The following RABL6 variants were observed in gnomAD, a reference collection of about 807,000 sequenced individuals.
RABL6 encodes the protein rab-like protein 6.
Under a neutral mutation model 72.9 loss-of-function variants are expected in RABL6, and 28 were observed. The observed-to-expected ratio is 0.38, with a 90% CI of 0.28 to 0.53. RABL6 has a LOEUF of 0.53. Among genes scored for constraint, RABL6 ranks in the 20% least tolerant of loss-of-function variants. The pLI is 0.80. For synonymous variants in RABL6, 477 were observed against 421.2 expected (o/e 1.13, Z -1.62); for missense variants, 1,029 against 1,008.4 (o/e 1.02, Z -0.28).
At chr9:136,825,863 G>T in intron 3 of RABL6, 37 bp downstream of exon 3, 1 of 1,590,356 alleles carries the variant, frequency 6.3e-7, no homozygotes, top group Non-Finnish European at 8.6e-7. Context: ...TTCTCTCTGG[G>T]ACTGTGTGCT....
At chr9:136,825,522 A>T (rs1445461867) in intron 2 of RABL6, among the ~76,000 whole-genome samples, 2 of 149,558 alleles carry the variant, frequency 1.3e-5, no homozygotes, top group Non-Finnish European at 3.0e-5. Context: ...CCCGGGAGGG[A>T]GGGGCCGTGC....
chr9:136,829,364 G>C (rs116599726), intron 4 of RABL6, 29 bp from the exon 5 acceptor site: 2 of 1,539,498 alleles, frequency 1.3e-6, no homozygotes, highest in Non-Finnish European at 8.8e-7. Flanking sequence ...GCCTGGGCCA[G>C]TCTCACACCT....
In RABL6 at chr9:136,807,976, G is replaced by A; in HGVS notation, c.-221G>A. 1 of 1,005,356 alleles carries A rather than the reference G, an allele frequency of 9.9e-7. No homozygotes were observed. The highest frequency in any genetic ancestry group is 4.9e-4 in the Middle Eastern group (1 of 2,026). The allele number at this position is 1,005,356 out of a possible 1,614,324, so 62.3% of individuals were successfully genotyped here. ...TGGCGGCGCTGACTCCTGGAGAGCG[G>A]TCGCGCCGGAGGCCGCGGGGGCCGG... On this transcript the variant is annotated 5_prime_UTR_variant, in exon 1 of 15. Coordinates refer to ENST00000311502, the MANE Select transcript of RABL6 (RefSeq NM_024718.5).
intron 10 of RABL6, among the ~76,000 whole-genome samples, chr9:136,838,597 A>G (rs1025461425): frequency 2.0e-5 from 3 of 152,236 alleles, no homozygotes; most frequent in African/African-American, 7.2e-5. Flanking sequence ...CTCCAGAAAT[A>G]CACAAAGGAC....
intron 5 of RABL6, among the ~76,000 whole-genome samples, chr9:136,829,923 TG>T (rs1197725189): frequency 6.6e-6 from 1 of 152,226 alleles, no homozygotes; most frequent in African/African-American, 2.4e-5. Flanking sequence ...GGACGATCTC[TG>T]GGGGACCAGG....
intron 1 of RABL6, among the ~76,000 whole-genome samples, chr9:136,810,931 T>C (rs1227318424): frequency 6.6e-6 from 1 of 152,224 alleles, no homozygotes; most frequent in Admixed American, 6.5e-5. Context: ...GGTGAGAGTT[T>C]CTGGGAACTG....
chr9:136,811,860 C>T (rs147558859), intron 1 of RABL6, among the ~76,000 whole-genome samples: 1 of 152,188 alleles, frequency 6.6e-6, no homozygotes, highest in East Asian at 1.9e-4. Context: ...TCCTGAATTC[C>T]AGAAGGGAGG....
chr9:136,814,886 G>T (rs938477288), intron 1 of RABL6: 2 of 154,932 alleles, frequency 1.3e-5, no homozygotes. Context: ...CCTCTTTGTC[G>T]TCTTCATCAC....
At chr9:136,832,533 T>C in intron 7 of RABL6, 163 bp downstream of exon 7, 1 of 727,306 alleles carries the variant, frequency 1.4e-6, no homozygotes, top group Non-Finnish European at 2.5e-6. Flanking sequence ...ACCTGCCTGC[T>C]CTGGGTGGCA....
At position 136,816,736 on chromosome 9, in the gene RABL6, T is replaced by C. The variant is rs1008107616; in HGVS notation, c.131-6789T>C. On this transcript the variant is annotated intron_variant, in intron 1 of 14. Coordinates refer to ENST00000311502, the MANE Select transcript of RABL6 (RefSeq NM_024718.5). ...TGTCTCAAAAAAAAGGGGGGGGGGG[T>C]AATTTTTTAAAATAATTAAATCAGA... Among the ~76,000 whole-genome samples, 4 of 105,278 alleles carry C rather than the reference T, an allele frequency of 3.8e-5. No individual in the cohort carries two copies. In the East Asian group the frequency reaches 1.4e-3, roughly 37 times the overall value. 69.1% of individuals were successfully genotyped at this position (105,278 alleles called of 152,430 possible). A position where few individuals can be genotyped will look rare whatever the true frequency, so the allele number is the denominator to read the frequency against.
chr9:136,826,019 C>T lies in RABL6; in HGVS notation c.313+193C>T, dbSNP rs1249292987. On this transcript the variant is annotated intron_variant, in intron 3 of 14. Transcript: ENST00000311502. This position sits in a 1 kb window ranked among gnomAD's most constrained non-coding sequence, Gnocchi z 4.9. ...TGGCGCAGCCCCTCCTGTGGCACTG[C>T]ATGCTTTGCTGCTTTAGCATACTCC... is the stretch of plus-strand genomic sequence containing the variant. 1.3e-5 allele frequency among the ~76,000 whole-genome samples: 2 copies of T among 152,214 alleles called. No individual in the cohort carries two copies. Among genetic ancestry groups the T allele is most frequent in the East Asian group, 3.8e-4 (2 of 5,204 alleles).
intron 1 of RABL6, 41 bp downstream of exon 1, chr9:136,808,367 G>A (rs772956288): frequency 4.1e-6 from 6 of 1,452,058 alleles, no homozygotes; most frequent in African/African-American, 3.0e-5. Context: ...GCGCCGCGCG[G>A]GTCTCCGAAC....
intron 1 of RABL6, 82 bp downstream of exon 1, chr9:136,808,408 G>A: frequency 4.5e-6 from 6 of 1,335,640 alleles, no homozygotes; most frequent in Non-Finnish European, 5.8e-6. Context: ...GGTGGTGGGT[G>A]TCGGTCTCAC....
At chr9:136,832,459 C>A (rs1294526432) in intron 7 of RABL6, 89 bp downstream of exon 7, 5 of 1,085,930 alleles carry the variant, frequency 4.6e-6, no homozygotes, top group South Asian at 2.5e-5. Context: ...TCCCTCCTAA[C>A]CCCTGAGAAA....
intron 4 of RABL6, 46 bp downstream of exon 4, chr9:136,828,592 G>C: frequency 6.3e-7 from 1 of 1,592,272 alleles, no homozygotes; most frequent in Admixed American, 1.7e-5. Flanking sequence ...AGGGCCCCGG[G>C]GTGCGTGAGC....
At chr9:136,808,385 C>T in intron 1 of RABL6, 59 bp downstream of exon 1, 4 of 1,392,042 alleles carry the variant, frequency 2.9e-6, no homozygotes, top group South Asian at 1.6e-5. Flanking sequence ...AACCCAGGCC[C>T]CGGGCGCCGC....
In RABL6 at chr9:136,826,176, G is replaced by A. The variant is rs949699323; in HGVS notation, c.313+350G>A. ...CTGGCGGAGTAGCCCAGCACCAGGC[G>A]GCCCCCTGCCCATAGCTGAGGACCC... On this transcript the variant is annotated intron_variant, in intron 3 of 14. Coordinates refer to ENST00000311502, the MANE Select transcript of RABL6 (RefSeq NM_024718.5). The surrounding 1 kb of genome is among the most constrained non-coding windows in gnomAD (Gnocchi z 4.9). Among the ~76,000 whole-genome samples, 23 of 152,254 alleles carry A rather than the reference G, an allele frequency of 1.5e-4. No individual in the cohort carries two copies. The highest frequency in any genetic ancestry group is 5.1e-4 in the African/African-American group (21 of 41,550).
Position 136,840,399 on chromosome 9 carries a change from ACGGCGG to A in RABL6, c.2069_2074del (p.Arg690_Arg691del). ...AGGAGGAGGGCAAGGAGGAGCGGCGACGGCGGCAGCAGCGGCCCCCGCGCAGCAGGG... is the reference window on the plus strand; with the variant it reads ...AGGAGGAGGGCAAGGAGGAGCGGCGACAGCAGCGGCCCCCGCGCAGCAGGG... On this transcript the variant is annotated inframe_deletion, in exon 15 of 15. Coordinates refer to ENST00000311502, the MANE Select transcript of RABL6 (RefSeq NM_024718.5). 6.4e-7 allele frequency: 1 copy of A among 1,551,372 alleles called. No individual in the cohort carries two copies. Among genetic ancestry groups the A allele is most frequent in the Non-Finnish European group, 8.7e-7 (1 of 1,147,556 alleles).
chr9:136,832,741 C>T (rs947581185), intron 7 of RABL6: 1 of 352,246 alleles, frequency 2.8e-6, no homozygotes, highest in African/African-American at 2.1e-5. Flanking sequence ...AGGCAATCCT[C>T]CCACCTGTCT....
Sources: allele counts gnomAD v4.1 joint callset (sites outside exome capture counted in the v4.1 genomes callset), GRCh38; gene constraint gnomAD v4.1.1; non-coding constraint Gnocchi (gnomAD v3.1); transcripts MANE v1.5; gene names NCBI Gene and HGNC (gene_info 2026-07-23, HGNC 2026-07-21).